N4BP2: variants seen among roughly 807,000 people sequenced by gnomAD.
The protein encoded by N4BP2 is NEDD4 binding protein 2, also known as NEDD4-binding protein 2.
N4BP2 carries 91 observed loss-of-function variants against 152.8 expected under a neutral mutation model. The ratio of observed to expected loss-of-function variants is 0.60; its 90% CI spans 0.50 to 0.71. The LOEUF is 0.71. N4BP2 is among the 30% of genes least tolerant of loss of function. The probability of loss-of-function intolerance (pLI) is 0.00; values close to 1 mark genes in which losing one functional copy is unlikely to be tolerated. For synonymous variants in N4BP2, 646 were observed against 705.3 expected, an observed-to-expected ratio of 0.92 and a Z score of 1.33; for missense variants, 1,923 against 2,059.1, an observed-to-expected ratio of 0.93 and a Z score of 1.28.
intron 2 of N4BP2, among the ~76,000 whole-genome samples, chr4:40,091,310 T>C (rs1714518545): frequency 6.6e-6 from 1 of 152,116 alleles, no homozygotes; most frequent in South Asian, 2.1e-4. Context: ...TGAATAAAAT[T>C]GGTGAGAGTA....
chr4:40,187,800 T>G, the N4BP2 span, among the ~76,000 whole-genome samples: 2 of 152,222 alleles, frequency 1.3e-5, no homozygotes, highest in Non-Finnish European at 2.9e-5. Flanking sequence ...CTCACACATG[T>G]CGTTCACATC....
At chr4:40,094,737 AGATGGGGTTTCTCCAT>A (rs1714945594) in intron 2 of N4BP2, among the ~76,000 whole-genome samples, 1 of 151,116 alleles carries the variant, frequency 6.6e-6, no homozygotes, top group African/African-American at 2.4e-5. Context: ...TTTTTAGTGG[AGATGGGGTTTCTCCAT>A]GTTGGTCAGG....
the N4BP2 span, among the ~76,000 whole-genome samples, chr4:40,172,758 C>T: frequency 6.6e-6 from 1 of 152,216 alleles, no homozygotes; most frequent in Non-Finnish European, 1.5e-5. Context: ...GAGGTTGGAT[C>T]AGTTCAACTC....
intron 11 of N4BP2, among the ~76,000 whole-genome samples, chr4:40,125,457 G>A (rs908973029): frequency 6.6e-6 from 1 of 152,198 alleles, no homozygotes; most frequent in African/African-American, 2.4e-5. Flanking sequence ...GGCCAGAGCA[G>A]ACTGTAGCTG....
At chr4:40,149,928 GA>G (rs1720990421) in intron 16 of N4BP2, among the ~76,000 whole-genome samples, 1 of 150,358 alleles carries the variant, frequency 6.7e-6, no homozygotes, top group Non-Finnish European at 1.5e-5. Flanking sequence ...AGAAAGAAAA[GA>G]AAAAAGAGCT....
the N4BP2 span, among the ~76,000 whole-genome samples, chr4:40,181,369 A>T: frequency 6.6e-6 from 1 of 152,102 alleles, no homozygotes; most frequent in Admixed American, 6.5e-5. Flanking sequence ...TTCTCAAAAC[A>T]TTTTCGATAC....
chr4:40,093,499 C>T (rs1411001654), intron 2 of N4BP2, among the ~76,000 whole-genome samples: 12 of 150,192 alleles, frequency 8.0e-5, no homozygotes, highest in East Asian at 2.0e-4. Context: ...CTTTGCTTCC[C>T]GGGTTGAAGT....
downstream of N4BP2, among the ~76,000 whole-genome samples, chr4:40,161,080 A>G (rs962667413): frequency 1.3e-5 from 2 of 152,206 alleles, no homozygotes; most frequent in Non-Finnish European, 2.9e-5. Context: ...ACAAGTTAAA[A>G]TCACTACTGG....
At chr4:40,148,653 T>A (rs1261578576) in intron 16 of N4BP2, among the ~76,000 whole-genome samples, 1 of 152,152 alleles carries the variant, frequency 6.6e-6, no homozygotes, top group African/African-American at 2.4e-5. Flanking sequence ...TTTAATTAAA[T>A]TTTTATTTTT....
intron 5 of N4BP2, among the ~76,000 whole-genome samples, chr4:40,110,646 T>C (rs1266009924): frequency 6.6e-6 from 1 of 152,230 alleles, no homozygotes; most frequent in Non-Finnish European, 1.5e-5. Context: ...CAAGTGATTC[T>C]TGTGCCTCAG....
chr4:40,073,979 A>G (rs965456683), intron 2 of N4BP2, among the ~76,000 whole-genome samples: 1 of 150,602 alleles, frequency 6.6e-6, no homozygotes, highest in African/African-American at 2.4e-5. Flanking sequence ...TTTAGTAGAG[A>G]CAAGTTTTCT....
intron 1 of N4BP2, among the ~76,000 whole-genome samples, chr4:40,057,650 C>T (rs575403441): frequency 4.1e-4 from 63 of 152,218 alleles, no homozygotes; most frequent in Non-Finnish European, 6.6e-4. Flanking sequence ...TCAATGGGAC[C>T]CTTCTAGAGC....
At chr4:40,108,360 T>C (rs932873716) in intron 5 of N4BP2, among the ~76,000 whole-genome samples, 2 of 152,130 alleles carry the variant, frequency 1.3e-5, no homozygotes, top group Non-Finnish European at 2.9e-5. Flanking sequence ...TTGCCCAGGC[T>C]GGAGCGCAGT....
chr4:40,107,573 G>A (rs940560535), intron 5 of N4BP2, among the ~76,000 whole-genome samples: 3 of 151,742 alleles, frequency 2.0e-5, no homozygotes, highest in Non-Finnish European at 4.4e-5. Flanking sequence ...TTATAGAGAC[G>A]GGGTTTCCCC....
Position 40,144,689 on chromosome 4 carries a change from T to C in N4BP2, c.5032T>C (p.Phe1678Leu). 1 of 1,614,048 alleles carries C rather than the reference T, an allele frequency of 6.2e-7. No individual in the cohort carries two copies. The highest frequency in any genetic ancestry group is 8.5e-7 in the Non-Finnish European group (1 of 1,179,978). The change falls in exon 16 of 18, where the codon TTT becomes CTT. Residue 1678 changes from phenylalanine (F) to leucine (L), a missense_variant. Coordinates refer to ENST00000261435, the MANE Select transcript of N4BP2 (RefSeq NM_018177.6). Reference sequence around the variant, plus strand: ...CAATCACCTTGCTGCCATAGAGATCTTTGAGAAAGTCAATGCTTCGCTGCT... The same window carrying C: ...CAATCACCTTGCTGCCATAGAGATCCTTGAGAAAGTCAATGCTTCGCTGCT... ...EANHLAAIEI[F>L]EKVNASLLPQ...
chr4:40,062,738 G>C (rs2109885016), intron 1 of N4BP2, among the ~76,000 whole-genome samples: 1 of 152,108 alleles, frequency 6.6e-6, no homozygotes, highest in Non-Finnish European at 1.5e-5. Flanking sequence ...GCTTCTATCT[G>C]TCTGGAATAC....
chr4:40,177,040 A>G, the N4BP2 span, among the ~76,000 whole-genome samples: 1 of 152,320 alleles, frequency 6.6e-6, no homozygotes, highest in African/African-American at 2.4e-5. Flanking sequence ...GAATTAAGGA[A>G]GAGTCCTGCA....
At chr4:40,103,282 T>C in intron 4 of N4BP2, 64 bp downstream of exon 4, 2 of 1,386,448 alleles carry the variant, frequency 1.4e-6, no homozygotes, top group South Asian at 1.4e-5. Context: ...CAAGTATGAA[T>C]AAATAGGCAA....
intron 13 of N4BP2, among the ~76,000 whole-genome samples, chr4:40,136,395 T>TATCATCTATCTATCTATC (rs1553926172): frequency 2.6e-5 from 3 of 113,828 alleles, no homozygotes; most frequent in African/African-American, 6.1e-5. Context: ...TCTATCTATC[T>TATCATCTATCTATCTATC]TTTTTTTGAG....
Sources: allele counts gnomAD v4.1 joint callset (sites outside exome capture counted in the v4.1 genomes callset), GRCh38; gene constraint gnomAD v4.1.1; transcripts MANE v1.5; gene names NCBI Gene and HGNC (gene_info 2026-07-23, HGNC 2026-07-21).